Variants in MYO15A observed in about 807,000 individuals in gnomAD.
MYO15A encodes myosin XVA.
In MYO15A, 308 loss-of-function variants were observed where a neutral mutation model predicts 394.6. The ratio of observed to expected loss-of-function variants is 0.78; its 90% confidence interval spans 0.71 to 0.86. The LOEUF (loss-of-function observed/expected upper bound fraction) is 0.86, where lower values mean the gene tolerates loss of function less well. Among genes scored for constraint, MYO15A ranks in the 40% least tolerant of loss-of-function variants. The pLI, the probability that MYO15A is intolerant of heterozygous loss-of-function variation, is 0.00. For synonymous variants in MYO15A, 1,957 were observed against 2,003.8 expected (o/e 0.98, Z 0.62); for missense variants, 4,606 against 4,799.1 (o/e 0.96, Z 1.19).
At chr17:18,127,842 T>G (rs934907333) in intron 7 of MYO15A, among the ~76,000 whole-genome samples, 2 of 141,608 alleles carry the variant, frequency 1.4e-5, no homozygotes, top group African/African-American at 5.5e-5. Flanking sequence ...AAGATATATA[T>G]ATATATATAT....
intron 62 of MYO15A, among the ~76,000 whole-genome samples, chr17:18,168,016 A>G (rs1394391979): frequency 1.3e-5 from 2 of 152,246 alleles, no homozygotes; most frequent in Non-Finnish European, 2.9e-5. Flanking sequence ...GGTCCAGGAA[A>G]TACATGTAGC....
At chr17:18,130,418 G>GA (rs2046133767) in intron 7 of MYO15A, among the ~76,000 whole-genome samples, 1 of 151,832 alleles carries the variant, frequency 6.6e-6, no homozygotes, top group South Asian at 2.1e-4. Flanking sequence ...GGGGTTGGGG[G>GA]GTGGGGCATG....
intron 25 of MYO15A, 116 bp from the exon 26 acceptor site, chr17:18,143,450 G>A: frequency 8.1e-7 from 1 of 1,227,130 alleles, no homozygotes; most frequent in Non-Finnish European, 1.2e-6. Context: ...CACACAACAG[G>A]CAAGCTGCCC....
At position 18,159,678 on chromosome 17, in the gene MYO15A, A is replaced by G; in HGVS notation, c.9302A>G (p.Lys3101Arg). The change falls in exon 55 of 66, where the codon AAG becomes AGG. Residue 3101 changes from lysine (K) to arginine (R), a missense_variant and splice_region_variant. Lys to Arg is a conservative substitution (Grantham distance 26, BLOSUM62 2). Transcript: ENST00000647165. The part of the protein sequence containing the change: ...SDLDVLCNLL[K>R]LCGDHEVMRD... ...CTGGACGTGCTTTGTAACCTCCTGA[A>G]GGTCAGTCCAGCCAACTTTGCCAGA... 6.2e-7 allele frequency: 1 copy of G among 1,614,130 alleles called. No homozygotes were observed. The highest frequency in any genetic ancestry group is 8.5e-7 in the Non-Finnish European group (1 of 1,180,006).
chr17:18,114,239 G>GTTTT (rs2045757562), intron 1 of MYO15A, among the ~76,000 whole-genome samples: 13 of 67,048 alleles, frequency 1.9e-4, no homozygotes, highest in Admixed American at 3.4e-4. Flanking sequence ...CCACAGTCCT[G>GTTTT]TCTTTTTTTT....
At position 18,136,590 on chromosome 17, in the gene MYO15A, A is replaced by G; in HGVS notation, c.4683A>G (p.Ala1561=). ...ACGCCATCGCCAAGGTCTTGTATGCACTGCTGTTCAGCTGGCTCATCACCA... is the reference window on the plus strand; with the variant it reads ...ACGCCATCGCCAAGGTCTTGTATGCGCTGCTGTTCAGCTGGCTCATCACCA... ...ARDAIAKVLY[A]LLFSWLITRV... is the part of the protein sequence containing the mutation. The change falls in exon 15 of 66, where the codon GCA becomes GCG. Residue 1561 remains alanine, a synonymous_variant. Coordinates refer to ENST00000647165, the MANE Select transcript of MYO15A (RefSeq NM_016239.4). 1 of 1,614,006 alleles carries G rather than the reference A, an allele frequency of 6.2e-7. No individual in the cohort carries two copies. The highest frequency in any genetic ancestry group is 8.5e-7 in the Non-Finnish European group (1 of 1,180,028).
chr17:18,169,670 G>C (rs1466411057), intron 62 of MYO15A: 1 of 152,004 alleles, frequency 6.6e-6, no homozygotes, highest in Admixed American at 6.6e-5. Context: ...AAGAGCTTTT[G>C]TTTATGTGGG....
intron 52 of MYO15A, 112 bp from the exon 53 acceptor site, chr17:18,158,813 A>C: frequency 7.1e-7 from 1 of 1,407,072 alleles, no homozygotes; most frequent in Non-Finnish European, 1.0e-6. Flanking sequence ...TGACCGGTAG[A>C]CTGATCAGTG....
At chr17:18,139,208 T>A in intron 18 of MYO15A, 1 of 618,854 alleles carries the variant, frequency 1.6e-6, no homozygotes, top group Non-Finnish European at 3.0e-6. Context: ...AATAGTGACA[T>A]CACTATGGTC....
intron 50 of MYO15A, 96 bp downstream of exon 50, chr17:18,157,326 A>AGTGGCCCGAAT: frequency 6.6e-7 from 1 of 1,511,766 alleles, no homozygotes; most frequent in Non-Finnish European, 9.0e-7. Flanking sequence ...GGTGCCCGAA[A>AGTGGCCCGAAT]GTGGCCTGGG....
At chr17:18,115,135 G>A (rs2045768103) in intron 1 of MYO15A, among the ~76,000 whole-genome samples, 1 of 152,126 alleles carries the variant, frequency 6.6e-6, no homozygotes, top group African/African-American at 2.4e-5. Flanking sequence ...CCTGCACCCT[G>A]CCTCATCCCC....
chr17:18,126,274 C>G (rs552234136), intron 4 of MYO15A, 73 bp from the exon 5 acceptor site: 1 of 1,283,840 alleles, frequency 7.8e-7, no homozygotes, highest in East Asian at 2.3e-5. Flanking sequence ...GAGCCAGGCT[C>G]CCAGCATAGG....
At chr17:18,114,144 T>C (rs1363904057) in intron 1 of MYO15A, among the ~76,000 whole-genome samples, 1 of 151,432 alleles carries the variant, frequency 6.6e-6, no homozygotes. Context: ...AATCAATATA[T>C]AATCCGCACT....
Position 18,142,216 on chromosome 17 carries a change from C to A in MYO15A, c.5787C>A (p.Ile1929=). 6.2e-7 allele frequency: 1 copy of A among 1,613,500 alleles called. No individual in the cohort carries two copies. Among genetic ancestry groups the A allele is most frequent in the South Asian group, 1.1e-5 (1 of 91,032 alleles). ...GATTCCGCTCTCTGCGCCACAAGAT[C>A]ATCCTGCTGCAAAGCCGGGCCCGTG... The part of the protein sequence containing the change: ...KRRFRSLRHK[I]ILLQSRARGY... Residue 1929 remains isoleucine, a synonymous_variant, in exon 24 of 66, where the codon ATC becomes ATA. Coordinates refer to ENST00000647165, the MANE Select transcript of MYO15A (RefSeq NM_016239.4).
At chr17:18,143,457 GC>G (rs1477809004) in intron 25 of MYO15A, 108 bp from the exon 26 acceptor site, 17 of 1,275,262 alleles carry the variant, frequency 1.3e-5, no homozygotes, top group Non-Finnish European at 1.6e-5. Flanking sequence ...CAGGCAAGCT[GC>G]CCCCCTTGCT....
chr17:18,152,715 C>CT, intron 42 of MYO15A, among the ~76,000 whole-genome samples: 1 of 152,188 alleles, frequency 6.6e-6, no homozygotes, highest in Non-Finnish European at 1.5e-5. Flanking sequence ...GCCTCATCTC[C>CT]TCTCTTCCTC....
At chr17:18,145,740 T>C (rs2142353849) in intron 29 of MYO15A, 132 bp from the exon 30 acceptor site, 2 of 753,980 alleles carry the variant, frequency 2.7e-6, no homozygotes, top group South Asian at 3.0e-5. Context: ...ATAGCAGTTA[T>C]ATTGTAATAT....
At chr17:18,159,163 C>T in intron 53 of MYO15A, 112 bp from the exon 54 acceptor site, 2 of 1,425,088 alleles carry the variant, frequency 1.4e-6, no homozygotes, top group Non-Finnish European at 2.0e-6. Flanking sequence ...GGCCTGGCTC[C>T]CCTTTTGTGA....
Position 18,173,889 on chromosome 17 carries a change from G to T in MYO15A, c.10459G>T (p.Ala3487Ser). ...YVEIALGDVA[A>S]QRTLQLQLEQ... The stretch of plus-strand genomic sequence containing the variant: ...GGAGATTGCGCTGGGGGACGTGGCG[G>T]CCCAGCGCACCTTGCAGCTGCAGCT... The change falls in exon 65 of 66, where the codon GCC (alanine) becomes TCC (serine). Residue 3487 changes from alanine to serine, a missense_variant. By Grantham distance (99) the Ala-to-Ser change is moderately conservative. Around this residue, in one of 2 missense-constraint regions of MYO15A, gnomAD observed 2,776 missense variants for 3,109.3 expected, o/e 0.89. Transcript: ENST00000647165. 8 of 1,612,814 alleles carry T rather than the reference G, an allele frequency of 5.0e-6. No homozygotes were observed. Among genetic ancestry groups the T allele is most frequent in the Non-Finnish European group, 6.8e-6 (8 of 1,179,394 alleles).
Sources: gnomAD v4.1 joint callset for allele counts (sites outside exome capture counted in the v4.1 genomes callset) on GRCh38, gnomAD v4.1.1 for gene constraint, gnomAD v4.1.1 regional missense constraint, MANE v1.5 for transcripts, NCBI Gene and HGNC (gene_info 2026-07-23, HGNC 2026-07-21) for gene names.